The following NTSR1 variants were observed in gnomAD, a reference collection of about 807,000 sequenced individuals.
NTSR1 encodes neurotensin receptor 1.
Under a neutral mutation model 31.2 loss-of-function variants are expected in NTSR1, and 29 were observed. That is an observed-to-expected ratio of 0.93 (90% CI 0.69 to 1.27). NTSR1 has a LOEUF of 1.27. NTSR1 is among the 50% of genes most tolerant of loss of function. The pLI, the probability that NTSR1 is intolerant of heterozygous loss-of-function variation, is 0.00. For missense variants in NTSR1, 697 were observed against 595.4 expected, an observed-to-expected ratio of 1.17 and a Z score of -1.78; for synonymous variants, 282 against 269.9, an observed-to-expected ratio of 1.04 and a Z score of -0.44.
chr20:62,737,981 T>C (rs1233400511), intron 1 of NTSR1, among the ~76,000 whole-genome samples: 1 of 76,426 alleles, frequency 1.3e-5, no homozygotes, highest in African/African-American at 8.0e-5. Flanking sequence ...TGGCCCCTTA[T>C]CTCCCCCAGA....
intron 1 of NTSR1, among the ~76,000 whole-genome samples, chr20:62,718,125 C>T (rs6062459): frequency 4.6e-5 from 7 of 152,140 alleles, no homozygotes; most frequent in African/African-American, 1.7e-4. Flanking sequence ...AGCAGAGGGC[C>T]GTGTGAGAAG....
chr20:62,716,036 C>A (rs1480588429), intron 1 of NTSR1, among the ~76,000 whole-genome samples: 1 of 152,192 alleles, frequency 6.6e-6, no homozygotes, highest in Non-Finnish European at 1.5e-5. Context: ...ATTTTTGATT[C>A]ATGGTGAAAC....
In NTSR1 at chr20:62,726,449, C is replaced by T. The variant is rs546376810; in HGVS notation, c.714+16528C>T. Among the ~76,000 whole-genome samples, 8 of 152,304 alleles carry T rather than the reference C, an allele frequency of 5.3e-5. No individual in the cohort carries two copies. In the South Asian group the frequency reaches 1.5e-3, roughly 28 times the overall value. On this transcript the variant is annotated intron_variant, in intron 1 of 3. Coordinates refer to ENST00000370501, the MANE Select transcript of NTSR1 (RefSeq NM_002531.3). The stretch of plus-strand genomic sequence containing the variant: ...CTGCTTAGAAAGGAAACCCAAGAGG[C>T]ACCAGCAGGACCTCGCTTAGCACGG...
chr20:62,751,338 T>C (rs947199635), intron 1 of NTSR1, among the ~76,000 whole-genome samples: 1 of 152,196 alleles, frequency 6.6e-6, no homozygotes, highest in African/African-American at 2.4e-5. Flanking sequence ...TTTTTTGGGG[T>C]AAGATCTCTA....
intron 1 of NTSR1, among the ~76,000 whole-genome samples, chr20:62,728,841 G>T (rs1202616553): frequency 1.3e-5 from 2 of 152,210 alleles, no homozygotes; most frequent in Non-Finnish European, 2.9e-5. Flanking sequence ...ACCCAGAACC[G>T]GCCCTCAGTG....
chr20:62,716,505 C>T (rs1050356156), intron 1 of NTSR1, among the ~76,000 whole-genome samples: 28 of 152,220 alleles, frequency 1.8e-4, no homozygotes, highest in African/African-American at 5.5e-4. Context: ...GTGGTTTCAG[C>T]GCGTTAGTCC....
chr20:62,746,826 G>A (rs951839178), intron 1 of NTSR1, among the ~76,000 whole-genome samples: 1 of 152,220 alleles, frequency 6.6e-6, no homozygotes, highest in Non-Finnish European at 1.5e-5. Context: ...CTTCGCCGAT[G>A]GATGCTACAA....
Position 62,725,667 on chromosome 20 carries a change from G to C in NTSR1, c.714+15746G>C, listed in dbSNP as rs754143686. ...GTGCCAGCTGGTTCCTGCTGGGTCC[G>C]TCTGACAGTGGCACAGGGAGGTTCA... On this transcript the variant is annotated intron_variant, in intron 1 of 3. Transcript: ENST00000370501. 1.3e-5 allele frequency among the ~76,000 whole-genome samples: 2 copies of C among 152,202 alleles called. 1 individual carries two copies. The highest frequency in any genetic ancestry group is 1.3e-4 in the Admixed American group (2 of 15,284).
intron 1 of NTSR1, among the ~76,000 whole-genome samples, chr20:62,717,268 T>C (rs2427407): frequency 0.66 from 100,121 of 152,212 alleles, 35,781 homozygotes; most frequent in East Asian, 0.94. Context: ...CGTGCCTACT[T>C]TGGGATTTTA....
intron 1 of NTSR1, among the ~76,000 whole-genome samples, chr20:62,716,456 G>A (rs1988721435): frequency 7.1e-6 from 1 of 140,754 alleles, no homozygotes; most frequent in East Asian, 1.9e-4. Context: ...ACTCTGGGGT[G>A]ACGGAAATGT....
chr20:62,722,878 T>C (rs1364038010), intron 1 of NTSR1, among the ~76,000 whole-genome samples: 1 of 152,198 alleles, frequency 6.6e-6, no homozygotes, highest in Non-Finnish European at 1.5e-5. Flanking sequence ...TTCAAAAAGA[T>C]CTGAGGCAGC....
chr20:62,758,455 C>A lies in NTSR1; in HGVS notation c.1007+99C>A, dbSNP rs111710270. ...CACTGCTGAGGGGATCCACTCAGGG[C>A]AGGGGTGTGGTGAGTCCCCCGGCGA... On this transcript the variant is annotated intron_variant, in intron 3 of 3. Transcript: ENST00000370501. This position sits in a 1 kb window ranked among gnomAD's most constrained non-coding sequence, Gnocchi z 4.5. 4.0e-3 allele frequency: 4,516 copies of A among 1,131,002 alleles called. 138 individuals carry two copies. The African/African-American group carries it at 0.058, about 15-fold the overall frequency. The allele number at this position is 1,131,002 out of a possible 1,614,324, so 70.1% of individuals were successfully genotyped here.
Position 62,709,588 on chromosome 20 carries a change from C to A in NTSR1, c.381C>A (p.Phe127Leu). ...CCATGCCCGTGGAGCTGTACAACTT[C>A]ATCTGGGTGCACCACCCCTGGGCCT... ...LLAMPVELYN[F>L]IWVHHPWAFG... The change falls in exon 1 of 4, where the codon TTC becomes TTA. Residue 127 changes from phenylalanine to leucine, a missense_variant. By Grantham distance (22) the Phe-to-Leu change is conservative. Coordinates refer to ENST00000370501, the MANE Select transcript of NTSR1 (RefSeq NM_002531.3). The A allele has an allele frequency of 1.2e-6, 2 of 1,611,606 alleles. No individual in the cohort carries two copies. The highest frequency in any genetic ancestry group is 3.3e-5 in the Admixed American group (2 of 60,034).
rs1360743898 is a variant in NTSR1, at chr20:62,758,817, G to A, written c.1007+461G>A. Reference sequence around the variant, plus strand: ...TTGCTTATACAGCAAAGTCAGCAAAGGGAAAAGACACATGGAGTGGGGTCA... The same window carrying A: ...TTGCTTATACAGCAAAGTCAGCAAAAGGAAAAGACACATGGAGTGGGGTCA... On this transcript the variant is annotated intron_variant, in intron 3 of 3. Coordinates refer to ENST00000370501, the MANE Select transcript of NTSR1 (RefSeq NM_002531.3). The surrounding 1 kb of genome is among the most constrained non-coding windows in gnomAD (Gnocchi z 4.5). Among the ~76,000 whole-genome samples, 1 of 152,198 alleles carries A rather than the reference G, an allele frequency of 6.6e-6. No homozygotes were observed. The highest frequency in any genetic ancestry group is 1.9e-4 in the East Asian group (1 of 5,204).
In NTSR1 at chr20:62,745,006, G is replaced by A. The variant is rs1366788520; in HGVS notation, c.715-9679G>A. Among the ~76,000 whole-genome samples, 2 of 152,120 alleles carry A rather than the reference G, an allele frequency of 1.3e-5. No individual in the cohort carries two copies. The highest frequency in any genetic ancestry group is 1.9e-4 in the East Asian group (1 of 5,196). On this transcript the variant is annotated intron_variant, in intron 1 of 3. Transcript: ENST00000370501. The surrounding 1 kb of genome is among the most constrained non-coding windows in gnomAD (Gnocchi z 4.1). ...GGCAGCCCCACCTCCAGACCACCAC[G>A]GCTGTCACAGCAGACACCCCTGTCT...
chr20:62,709,057 C>T lies in NTSR1; in HGVS notation c.-151C>T, dbSNP rs868542926. 2 of 568,670 alleles carry T rather than the reference C, an allele frequency of 3.5e-6. No homozygotes were observed. Among genetic ancestry groups the T allele is most frequent in the African/African-American group, 2.0e-5 (1 of 50,220 alleles). 35.2% of individuals were successfully genotyped at this position (568,670 alleles called of 1,614,324 possible). On this transcript the variant is annotated 5_prime_UTR_variant, in exon 1 of 4. Transcript: ENST00000370501. ...CCCGGGGCGGCGCGTCTGGGTCTGG[C>T]GCTTCCCGACTGGACGGCGCGCCCG...
rs760926771 is a variant in NTSR1 at position 62,760,082 on chromosome 20, A to G, written c.1072A>G (p.Thr358Ala). The G allele has an allele frequency of 1.2e-6, 2 of 1,614,070 alleles. No individual in the cohort carries two copies. The highest frequency in any genetic ancestry group is 8.5e-7 in the Non-Finnish European group (1 of 1,179,994). The change falls in exon 4 of 4, where the codon ACC becomes GCC. Residue 358 changes from threonine to alanine, a missense_variant. By Grantham distance (58) the Thr-to-Ala change is moderately conservative. Transcript: ENST00000370501. ...VTNALFYVSS[T>A]INPILYNLVS... ...CAACGCACTCTTCTACGTCAGCTCCACCATCAACCCCATCCTGTACAACCT... is the reference window on the plus strand; with the variant it reads ...CAACGCACTCTTCTACGTCAGCTCCGCCATCAACCCCATCCTGTACAACCT...
Position 62,750,587 on chromosome 20 carries a change from A to G in NTSR1, c.715-4098A>G, listed in dbSNP as rs1477661584. Among the ~76,000 whole-genome samples the G allele has an allele frequency of 2.0e-5, 3 of 149,544 alleles. No individual in the cohort carries two copies. The East Asian group carries it at 6.1e-4, about 30-fold the overall frequency. ...GCGCCTGTAGTCCCAGCTACTCCAG[A>G]GGCTGAGGCAGGAGAATGGCGTGAA... On this transcript the variant is annotated intron_variant, in intron 1 of 3. Transcript: ENST00000370501.
At chr20:62,739,529 T>C (rs1039368340) in intron 1 of NTSR1, among the ~76,000 whole-genome samples, 5 of 152,200 alleles carry the variant, frequency 3.3e-5, no homozygotes, top group Admixed American at 6.5e-5. Flanking sequence ...ATGCAGGTAC[T>C]TGGGGGTGTG....
Sources: allele counts gnomAD v4.1 joint callset (sites outside exome capture counted in the v4.1 genomes callset), GRCh38; gene constraint gnomAD v4.1.1; non-coding constraint Gnocchi (gnomAD v3.1); transcripts MANE v1.5; gene names NCBI Gene and HGNC (gene_info 2026-07-23, HGNC 2026-07-21).